Variants in TEP1 observed in about 807,000 individuals in gnomAD.
The protein encoded by TEP1 is telomerase associated protein 1.
In TEP1, 241 loss-of-function variants were observed where a neutral mutation model predicts 306.3. The observed-to-expected ratio is 0.79, with a 90% CI of 0.71 to 0.88. The LOEUF (loss-of-function observed/expected upper bound fraction) is 0.88, where lower values mean the gene tolerates loss of function less well. Among genes scored for constraint, TEP1 ranks in the 40% least tolerant of loss-of-function variants. TEP1 has a pLI of 0.00. For synonymous variants in TEP1, 1,289 were observed against 1,305.5 expected, an observed-to-expected ratio of 0.99 and a Z score of 0.27; for missense variants, 3,051 against 3,276.1, an observed-to-expected ratio of 0.93 and a Z score of 1.68.
chr14:20,372,669 G>C lies in TEP1; in HGVS notation c.7076+64C>G. ...TTCAGAAGCAGAAGTGCAGTAATTTGGGTAAAATGCCAGGAGTGAGGAGAC... is the reference window on the plus strand; with the variant it reads ...TTCAGAAGCAGAAGTGCAGTAATTTCGGTAAAATGCCAGGAGTGAGGAGAC... On this transcript the variant is annotated intron_variant, in intron 49 of 54. Transcript: ENST00000262715. The C allele has an allele frequency of 3.1e-6, 5 of 1,608,204 alleles. No individual in the cohort carries two copies. In the Admixed American group the frequency reaches 5.0e-5, roughly 16 times the overall value.
chr14:20,406,549 G>T (rs1879192407), intron 2 of TEP1, 149 bp from the exon 3 acceptor site: 2 of 805,606 alleles, frequency 2.5e-6, no homozygotes, highest in South Asian at 3.4e-5. Context: ...CACCAGCACT[G>T]ATGTGTCCTG....
chr14:20,395,696 T>A, intron 11 of TEP1, 69 bp from the exon 12 acceptor site: 1 of 1,552,904 alleles, frequency 6.4e-7, no homozygotes. Context: ...ACCAGTAATG[T>A]GACCTGAGCC....
intron 9 of TEP1, among the ~76,000 whole-genome samples, chr14:20,400,497 C>CAAAAA (rs71108598): frequency 4.7e-5 from 4 of 85,466 alleles, no homozygotes; most frequent in African/African-American, 7.0e-5. Flanking sequence ...AAAAGTAGAC[C>CAAAAA]AAAAAAAAAA....
intron 18 of TEP1, among the ~76,000 whole-genome samples, chr14:20,387,393 A>C (rs867322917): frequency 2.0e-5 from 3 of 146,816 alleles, no homozygotes; most frequent in Non-Finnish European, 4.5e-5. Flanking sequence ...CTAAAAATCC[A>C]AAAAAAAAAT....
intron 16 of TEP1, 53 bp downstream of exon 16, chr14:20,389,557 G>A: frequency 6.2e-7 from 1 of 1,603,780 alleles, no homozygotes; most frequent in Admixed American, 1.7e-5. Context: ...GCGTAGAGAG[G>A]AAATGTAGAC....
In TEP1 at chr14:20,384,243, A is replaced by T; in HGVS notation, c.3340-11T>A. 1.9e-6 allele frequency: 3 copies of T among 1,612,998 alleles called. No homozygotes were observed. Among genetic ancestry groups the T allele is most frequent in the Non-Finnish European group, 2.5e-6 (3 of 1,179,408 alleles). ...CAGCAGGGCCCCAGGCTGAGGGTAA[A>T]TGGGTCAGTGACTATCCATGGTGCC... On this transcript the variant is annotated splice_polypyrimidine_tract_variant and intron_variant, in intron 23 of 54. Coordinates refer to ENST00000262715, the MANE Select transcript of TEP1 (RefSeq NM_007110.5).
At chr14:20,410,483 C>T (rs1175054565) in intron 1 of TEP1, among the ~76,000 whole-genome samples, 3 of 152,038 alleles carry the variant, frequency 2.0e-5, no homozygotes, top group Non-Finnish European at 4.4e-5. Flanking sequence ...AGTGCAATGG[C>T]ACGATCTTGG....
chr14:20,373,934 A>AG lies in TEP1; in HGVS notation c.6472-125dup, dbSNP rs1009135479. On this transcript the variant is annotated intron_variant, in intron 44 of 54. Transcript: ENST00000262715. ...AGATGTCAATGAGGGAGGAGAACTCAGGAACAGTGGGGTTGGGTGGCTCAG... is the reference window on the plus strand; with the variant it reads ...AGATGTCAATGAGGGAGGAGAACTCAGGGAACAGTGGGGTTGGGTGGCTCAG... 7 of 1,327,404 alleles carry AG rather than the reference A, an allele frequency of 5.3e-6. No homozygotes were observed. In the African/African-American group the frequency reaches 8.7e-5, roughly 17 times the overall value. The allele number at this position is 1,327,404 out of a possible 1,614,324, so 82.2% of individuals were successfully genotyped here. A position where few individuals can be genotyped will look rare whatever the true frequency, so the allele number is the denominator to read the frequency against.
chr14:20,405,616 A>T, intron 3 of TEP1, 31 bp from the exon 4 acceptor site: 1 of 1,610,236 alleles, frequency 6.2e-7, no homozygotes, highest in Non-Finnish European at 8.5e-7. Context: ...AAGAAATGAG[A>T]AGAGAGGTAA....
In TEP1 at chr14:20,386,116, G is replaced by C; in HGVS notation, c.2941C>G (p.Pro981Ala). 6.2e-7 allele frequency: 1 copy of C among 1,613,174 alleles called. No individual in the cohort carries two copies. The change falls in exon 20 of 55, where the codon CCC becomes GCC. Residue 981 changes from proline (P) to alanine (A), a missense_variant. Pro to Ala is a conservative substitution (Grantham distance 27). Transcript: ENST00000262715. The part of the protein sequence containing the change: ...GILGSRYGYI[P>A]PSYNLPDHPH... ...TGGTCAGGAAGGTTGTAGCTGGGGG[G>C]AATGTATCCATAACGGGAGCCCAGA...
Position 20,377,720 on chromosome 14 carries a change from G to A in TEP1, c.5755C>T (p.Arg1919Cys), listed in dbSNP as rs190667354. 1.6e-3 allele frequency: 2,614 copies of A among 1,613,854 alleles called. 45 individuals are homozygous for A. Among genetic ancestry groups the A allele is most frequent in the Non-Finnish European group, 4.2e-4 (493 of 1,179,960 alleles). The change falls in exon 40 of 55, where the codon CGT becomes TGT. Residue 1919 changes from arginine to cysteine, a missense_variant. By Grantham distance (180) the Arg-to-Cys change is radical. This residue lies in a region of TEP1 where 1,540 missense variants were observed against 1,705.9 expected (regional missense o/e 0.90). Coordinates refer to ENST00000262715, the MANE Select transcript of TEP1 (RefSeq NM_007110.5). ...AGAGAAAGGGAACCCAGGTGCCCAC[G>A]GGGCCGACCCAGAGACCCTGACCAC... is the stretch of plus-strand genomic sequence containing the variant. Reference protein sequence around the residue: ...QVWSGSLGRPRGHLGSLSLSP... With the variant: ...QVWSGSLGRPCGHLGSLSLSP...
chr14:20,395,491 A>G lies in TEP1; in HGVS notation c.1887T>C (p.Tyr629=), dbSNP rs758033566. The G allele has an allele frequency of 6.2e-7, 1 of 1,611,434 alleles. No homozygotes were observed. Among genetic ancestry groups the G allele is most frequent in the Admixed American group, 1.7e-5 (1 of 59,994 alleles). Reference sequence around the variant, plus strand: ...TCAGCTTCTCCCTCTTGAGCTGCTCATACAACACAGGTATCCTCATTGCCA... The same window carrying G: ...TCAGCTTCTCCCTCTTGAGCTGCTCGTACAACACAGGTATCCTCATTGCCA... ...LRMAMRIPVL[Y]EQLKREKLRV... The change falls in exon 12 of 55, where the codon TAT becomes TAC. Residue 629 remains tyrosine, a synonymous_variant. Transcript: ENST00000262715.
chr14:20,385,875 C>T (rs1023990890), intron 20 of TEP1, among the ~76,000 whole-genome samples, 200 bp downstream of exon 20: 2 of 152,192 alleles, frequency 1.3e-5, no homozygotes, highest in African/African-American at 2.4e-5. Flanking sequence ...TTGCTCATGG[C>T]CAACCCCAGA....
chr14:20,397,465 C>T (rs923774663), intron 9 of TEP1, among the ~76,000 whole-genome samples: 2 of 151,918 alleles, frequency 1.3e-5, no homozygotes, highest in African/African-American at 2.4e-5. Context: ...ACCGAGATCA[C>T]GCCACTGCAC....
chr14:20,369,133 G>A (rs111857408), intron 53 of TEP1, among the ~76,000 whole-genome samples: 3,553 of 151,964 alleles, frequency 0.023, 141 homozygotes, highest in African/African-American at 0.08. Flanking sequence ...TCAGACTCCC[G>A]AGTAGCTGGG....
Position 20,389,731 on chromosome 14 carries a change from C to A in TEP1, c.2344G>T (p.Val782Phe). 6.2e-7 allele frequency: 1 copy of A among 1,614,066 alleles called. No individual in the cohort carries two copies. Among genetic ancestry groups the A allele is most frequent in the Non-Finnish European group, 8.5e-7 (1 of 1,179,962 alleles). ...TCCATGCTTTGGCCAAGGAGGATGA[C>A]CCTGTCCACCTGTAAGATGAAAAGG... ...LAGQRVPVDR[V>F]ILLGQSMDDG... The change falls in exon 16 of 55, where the codon GTC (valine) becomes TTC (phenylalanine). Residue 782 changes from valine (V) to phenylalanine (F), a missense_variant. Physicochemically the swap from Val to Phe is conservative, Grantham distance 50. Transcript: ENST00000262715.
At position 20,373,581 on chromosome 14, in the gene TEP1, C is replaced by G; in HGVS notation, c.6607G>C (p.Gly2203Arg). ...CAAAMEPRAA[G>R]QPGSELLVVT... ...ACCAGAAGCTCTGACCCAGGCTGTC[C>G]AGCTGATAAGACACAGAGACTGAGT... Residue 2203 changes from glycine (G) to arginine (R), a missense_variant and splice_region_variant, in exon 46 of 55, where the codon GGA becomes CGA. Physicochemically the swap from Gly to Arg is moderately radical, Grantham distance 125. This residue lies in a region of TEP1 where 1,540 missense variants were observed against 1,705.9 expected (regional missense o/e 0.90). Coordinates refer to ENST00000262715, the MANE Select transcript of TEP1 (RefSeq NM_007110.5). The G allele has an allele frequency of 1.2e-6, 2 of 1,614,190 alleles. No individual in the cohort carries two copies. The highest frequency in any genetic ancestry group is 1.7e-6 in the Non-Finnish European group (2 of 1,180,034).
Position 20,374,654 on chromosome 14 carries a change from G to A in TEP1, c.6364-118C>T, listed in dbSNP as rs947687629. On this transcript the variant is annotated intron_variant, in intron 43 of 54. Coordinates refer to ENST00000262715, the MANE Select transcript of TEP1 (RefSeq NM_007110.5). The stretch of plus-strand genomic sequence containing the variant: ...TAATTAAGGGCCTGGGTTCTCCTGG[G>A]TTCAAATCCTAGCTCTGTCACTCAT... 38 of 629,372 alleles carry A rather than the reference G, an allele frequency of 6.0e-5. No individual in the cohort carries two copies. In the African/African-American group the frequency reaches 6.6e-4, roughly 11 times the overall value. The allele number at this position is 629,372 out of a possible 1,614,324, so 39.0% of individuals were successfully genotyped here.
intron 12 of TEP1, 140 bp from the exon 13 acceptor site, chr14:20,391,907 C>T: frequency 1.2e-6 from 1 of 856,044 alleles, no homozygotes; most frequent in Non-Finnish European, 1.8e-6. Context: ...CAGCCCACTC[C>T]ATTTCTGGTG....
Sources: allele counts gnomAD v4.1 joint callset (sites outside exome capture counted in the v4.1 genomes callset), GRCh38; gene constraint gnomAD v4.1.1; regional missense constraint gnomAD v4.1.1; transcripts MANE v1.5; gene names NCBI Gene and HGNC (gene_info 2026-07-23, HGNC 2026-07-21).